The following ABR variants were observed in gnomAD, a reference collection of about 807,000 sequenced individuals.
The protein encoded by ABR is ABR activator of RhoGEF and GTPase.
ABR carries 35 observed loss-of-function variants against 107.2 expected under a neutral mutation model. The observed-to-expected ratio is 0.33, with a 90% CI of 0.25 to 0.43. The LOEUF (loss-of-function observed/expected upper bound fraction) is 0.43. ABR is among the 20% of genes least tolerant of loss of function. The pLI, the probability that ABR is intolerant of heterozygous loss-of-function variation, is 1.00. For synonymous variants in ABR, 498 were observed against 462.0 expected, an observed-to-expected ratio of 1.08 and a Z score of -1.00; for missense variants, 815 against 1,115.2, an observed-to-expected ratio of 0.73 and a Z score of 3.83.
At chr17:1,108,553 G>A (rs1057192024) in intron 2 of ABR, among the ~76,000 whole-genome samples, 3 of 152,400 alleles carry the variant, frequency 2.0e-5, no homozygotes, top group Non-Finnish European at 2.9e-5. Context: ...GCCTCAGCTC[G>A]GAGACACCAA....
chr17:1,024,193 G>A (rs866625604), intron 16 of ABR, among the ~76,000 whole-genome samples: 5 of 152,272 alleles, frequency 3.3e-5, no homozygotes, highest in Middle Eastern at 3.4e-3. Flanking sequence ...GCCCCTCCCA[G>A]GCCTTGCCTT....
chr17:1,083,575 A>C lies in ABR; in HGVS notation c.584T>G (p.Leu195Arg), dbSNP rs1343486624. ...KAFVDNYKVA[L>R]ETAEKCSQSN... ...CTGGCTGCACTTCTCAGCTGTCTCC[A>C]GAGCGACTTTATAGTTATCGACAAA... The change falls in exon 5 of 23, where the codon CTG becomes CGG. Residue 195 changes from leucine (L) to arginine (R), a missense_variant. Leu to Arg is a moderately radical substitution (Grantham distance 102). Coordinates refer to ENST00000302538, the MANE Select transcript of ABR (RefSeq NM_021962.5). The C allele has an allele frequency of 6.2e-7, 1 of 1,612,556 alleles. No homozygotes were observed. Among genetic ancestry groups the C allele is most frequent in the Admixed American group, 1.7e-5 (1 of 59,912 alleles).
In ABR at chr17:1,128,371, G is replaced by T. The variant is rs796902598; in HGVS notation, c.62-3004C>A. 2.1e-4 allele frequency among the ~76,000 whole-genome samples: 32 copies of T among 152,340 alleles called. 2 individuals are homozygous for T. The highest frequency in any genetic ancestry group is 7.5e-4 in the African/African-American group (31 of 41,586). On this transcript the variant is annotated intron_variant, in intron 1 of 22. Coordinates refer to ENST00000302538, the MANE Select transcript of ABR (RefSeq NM_021962.5). ...CACCAGATCTCAAAAAAGAAGAAAA[G>T]GCAGACAAGGCAAAGGCTGCTGGCA...
At chr17:1,088,423 G>T (rs2151283640) in intron 4 of ABR, among the ~76,000 whole-genome samples, 1 of 151,190 alleles carries the variant, frequency 6.6e-6, no homozygotes, top group Admixed American at 6.6e-5. Context: ...TCCCTTGGAA[G>T]GATACCTTCC....
intron 1 of ABR, among the ~76,000 whole-genome samples, chr17:1,226,058 TGA>T (rs1158808346): frequency 2.6e-5 from 4 of 152,296 alleles, no homozygotes; most frequent in Admixed American, 2.6e-4. Flanking sequence ...GCACTCATCT[TGA>T]GAGAGAAAAA....
intron 1 of ABR, among the ~76,000 whole-genome samples, chr17:1,144,400 G>T (rs1329539455): frequency 6.6e-6 from 1 of 151,982 alleles, no homozygotes; most frequent in Admixed American, 6.6e-5. Flanking sequence ...AACGAGGTGG[G>T]CATGGGGCCA....
intron 16 of ABR, among the ~76,000 whole-genome samples, chr17:1,043,313 G>C (rs1013761595): frequency 4.6e-5 from 7 of 152,026 alleles, no homozygotes; most frequent in Non-Finnish European, 7.3e-5. Context: ...GACTACAGGC[G>C]TGCACCACCA....
chr17:1,056,126 C>G lies in ABR; in HGVS notation c.1487-17G>C. On this transcript the variant is annotated splice_polypyrimidine_tract_variant and intron_variant, in intron 13 of 22. Coordinates refer to ENST00000302538, the MANE Select transcript of ABR (RefSeq NM_021962.5). ...ACTCATCGTCTGCAAGAGAGAAAAG[C>G]CCCCAGGGCAGAGGGTGGTCAGCGG... 6.2e-7 allele frequency: 1 copy of G among 1,611,852 alleles called. No individual in the cohort carries two copies. The highest frequency in any genetic ancestry group is 8.5e-7 in the Non-Finnish European group (1 of 1,178,018).
At chr17:1,194,995 T>C (rs957962810) in intron 1 of ABR, among the ~76,000 whole-genome samples, 1 of 148,486 alleles carries the variant, frequency 6.7e-6, no homozygotes, top group Non-Finnish European at 1.5e-5. Context: ...CTCACTATGT[T>C]GCCCAGGCTG....
At position 1,155,357 on chromosome 17, in the gene ABR, T is replaced by C. The variant is rs554785008; in HGVS notation, c.61+24310A>G. The stretch of plus-strand genomic sequence containing the variant: ...GTGCTGGGACAACCAGATTGCCACA[T>C]GTAAAAGTTGAACTTTTACTTTCTA... On this transcript the variant is annotated intron_variant, in intron 1 of 22. Coordinates refer to ENST00000302538, the MANE Select transcript of ABR (RefSeq NM_021962.5). 1.8e-4 allele frequency among the ~76,000 whole-genome samples: 28 copies of C among 152,312 alleles called. 1 individual carries two copies. In the East Asian group the frequency reaches 4.8e-3, roughly 26 times the overall value.
chr17:1,178,262 C>G (rs923352753), intron 1 of ABR, among the ~76,000 whole-genome samples: 2 of 151,826 alleles, frequency 1.3e-5, no homozygotes, highest in South Asian at 2.1e-4. Context: ...TCAAGGAACT[C>G]TAGCTGGGAT....
chr17:1,188,320 G>A (rs1428815287), upstream of ABR, among the ~76,000 whole-genome samples: 1 of 152,188 alleles, frequency 6.6e-6, no homozygotes, highest in East Asian at 1.9e-4. Flanking sequence ...GGAGGCCGAG[G>A]CGGGCAGATC....
At chr17:1,104,296 AAC>A (rs1302029969) in intron 2 of ABR, among the ~76,000 whole-genome samples, 1 of 152,180 alleles carries the variant, frequency 6.6e-6, no homozygotes, top group East Asian at 1.9e-4. Context: ...CTCTGGTAGG[AAC>A]AATGTCTAGA....
Position 1,011,446 on chromosome 17 carries a change from C to A in ABR, c.2101+400G>T. The A allele has an allele frequency of 5.9e-6, 1 of 170,256 alleles. No homozygotes were observed. Among genetic ancestry groups the A allele is most frequent in the Non-Finnish European group, 1.3e-5 (1 of 79,222 alleles). The allele number at this position is 170,256 out of a possible 1,614,324, so 10.5% of individuals were successfully genotyped here. A position where few individuals can be genotyped will look rare whatever the true frequency, so the allele number is the denominator to read the frequency against. On this transcript the variant is annotated intron_variant, in intron 19 of 22. Transcript: ENST00000302538. The surrounding 1 kb of genome is among the most constrained non-coding windows in gnomAD (Gnocchi z 4.8). ...AAAGGTCAGGCCTCACCATGGTGGGCTTCACGCAGAGGCAGCACTGCCCCA... is the reference window on the plus strand; with the variant it reads ...AAAGGTCAGGCCTCACCATGGTGGGATTCACGCAGAGGCAGCACTGCCCCA...
chr17:1,126,876 G>A (rs761704574), intron 1 of ABR, among the ~76,000 whole-genome samples: 1 of 152,230 alleles, frequency 6.6e-6, no homozygotes, highest in South Asian at 2.1e-4. Flanking sequence ...TGCGTGGAGC[G>A]AATGAATGAG....
At chr17:1,066,094 A>G (rs570342412) in intron 10 of ABR, among the ~76,000 whole-genome samples, 44 of 152,030 alleles carry the variant, frequency 2.9e-4, no homozygotes, top group Admixed American at 2.2e-3. Context: ...GGCCAGGCTG[A>G]TCTTGAATTC....
chr17:1,034,294 G>A (rs7219729), intron 16 of ABR, among the ~76,000 whole-genome samples: 1,563 of 152,246 alleles, frequency 0.01, 28 homozygotes, highest in African/African-American at 0.035. Context: ...GGGCCTGGCT[G>A]CGTGCCCGAC....
intron 1 of ABR, among the ~76,000 whole-genome samples, chr17:1,135,574 G>A (rs543924125): frequency 1.5e-4 from 23 of 152,092 alleles, no homozygotes; most frequent in Non-Finnish European, 2.5e-4. Context: ...CACCAAAGCT[G>A]CATCAAAAGT....
At position 1,011,826 on chromosome 17, in the gene ABR, G is replaced by A; in HGVS notation, c.2101+20C>T. 6.4e-7 allele frequency: 1 copy of A among 1,556,750 alleles called. No homozygotes were observed. Among genetic ancestry groups the A allele is most frequent in the Non-Finnish European group, 8.7e-7 (1 of 1,144,310 alleles). On this transcript the variant is annotated intron_variant, in intron 19 of 22. Transcript: ENST00000302538. The surrounding 1 kb of genome is among the most constrained non-coding windows in gnomAD (Gnocchi z 4.8). Reference sequence around the variant, plus strand: ...CTCAGACACAGCCACACCTGCCCCGGCTGGGCCTCCCAGACTCACTGGCAT... The same window carrying A: ...CTCAGACACAGCCACACCTGCCCCGACTGGGCCTCCCAGACTCACTGGCAT...
Sources: allele counts gnomAD v4.1 joint callset (sites outside exome capture counted in the v4.1 genomes callset), GRCh38; gene constraint gnomAD v4.1.1; non-coding constraint Gnocchi (gnomAD v3.1); transcripts MANE v1.5; gene names NCBI Gene and HGNC (gene_info 2026-07-23, HGNC 2026-07-21).